LRMDA: variants seen among roughly 807,000 people sequenced by gnomAD.
LRMDA encodes the protein leucine-rich melanocyte differentiation-associated protein.
Under a neutral mutation model 29.8 loss-of-function variants are expected in LRMDA, and 18 were observed. The ratio of observed to expected loss-of-function variants is 0.60; its 90% CI spans 0.42 to 0.90. The LOEUF is 0.90. LRMDA is among the 40% of genes least tolerant of loss of function. The pLI, the probability that LRMDA is intolerant of heterozygous loss-of-function variation, is 0.00. For missense variants in LRMDA, 273 were observed against 273.9 expected (o/e 1.00, Z 0.02); for synonymous variants, 125 against 109.4 (o/e 1.14, Z -0.89).
At chr10:76,525,609 C>T (rs576146937) in intron 6 of LRMDA, among the ~76,000 whole-genome samples, 2 of 58,692 alleles carry the variant, frequency 3.4e-5, no homozygotes, top group East Asian at 2.5e-4. Context: ...AAGTGAATGG[C>T]GGACTACATT....
chr10:76,222,566 G>A (rs1421430261), intron 5 of LRMDA, among the ~76,000 whole-genome samples: 3 of 152,196 alleles, frequency 2.0e-5, no homozygotes, highest in South Asian at 2.1e-4. Flanking sequence ...CAAAGCCACA[G>A]TGAGATATCA....
At chr10:75,681,807 T>C (rs1842026211) in intron 2 of LRMDA, among the ~76,000 whole-genome samples, 3 of 152,212 alleles carry the variant, frequency 2.0e-5, no homozygotes, top group Admixed American at 6.5e-5. Flanking sequence ...TCTGGCCCTG[T>C]AACTCTTAGG....
intron 2 of LRMDA, among the ~76,000 whole-genome samples, chr10:75,725,363 AG>A (rs1164307266): frequency 6.6e-6 from 1 of 152,226 alleles, no homozygotes; most frequent in Non-Finnish European, 1.5e-5. Flanking sequence ...AAGTGGCCTG[AG>A]GGGCCGAGCC....
intron 6 of LRMDA, among the ~76,000 whole-genome samples, chr10:76,486,130 A>C (rs1280855101): frequency 6.6e-6 from 1 of 151,940 alleles, no homozygotes; most frequent in East Asian, 1.9e-4. Context: ...TTGAAACCAG[A>C]AGTGACATTT....
chr10:75,528,582 G>C (rs1298786890), intron 2 of LRMDA, among the ~76,000 whole-genome samples: 2 of 152,148 alleles, frequency 1.3e-5, no homozygotes, highest in Non-Finnish European at 2.9e-5. Flanking sequence ...TGAACTTCAC[G>C]ACTAGTTGGT....
chr10:76,291,235 G>T (rs967934114), intron 5 of LRMDA, among the ~76,000 whole-genome samples: 4 of 152,144 alleles, frequency 2.6e-5, no homozygotes, highest in Non-Finnish European at 5.9e-5. Flanking sequence ...GTCTTTCACT[G>T]TTGGGTCTCA....
intron 2 of LRMDA, among the ~76,000 whole-genome samples, chr10:75,650,505 G>A (rs1441907031): frequency 6.6e-6 from 1 of 150,842 alleles, no homozygotes; most frequent in Non-Finnish European, 1.5e-5. Flanking sequence ...TTCATGATAA[G>A]GTTGAGAGAT....
At chr10:75,762,201 T>C (rs973409092) in intron 2 of LRMDA, among the ~76,000 whole-genome samples, 3 of 152,188 alleles carry the variant, frequency 2.0e-5, no homozygotes, top group Non-Finnish European at 2.9e-5. Flanking sequence ...TTAGGCATTG[T>C]TATTTTTTGA....
chr10:75,984,247 G>A (rs951288241), intron 2 of LRMDA, among the ~76,000 whole-genome samples: 1 of 151,044 alleles, frequency 6.6e-6, no homozygotes, highest in African/African-American at 2.5e-5. Context: ...GCAAGGCCAG[G>A]CTGCCTGGAA....
intron 6 of LRMDA, among the ~76,000 whole-genome samples, chr10:76,366,332 A>T (rs534906177): frequency 6.6e-6 from 1 of 152,176 alleles, no homozygotes; most frequent in Non-Finnish European, 1.5e-5. Flanking sequence ...TTCTTTTGGC[A>T]GTATGGTCAT....
chr10:76,001,487 A>C (rs1022736542), intron 2 of LRMDA, among the ~76,000 whole-genome samples: 1 of 152,178 alleles, frequency 6.6e-6, no homozygotes, highest in African/African-American at 2.4e-5. Context: ...TATAGTTTTG[A>C]AGTTTAAGAG....
Position 76,196,714 on chromosome 10 carries a change from A to G in LRMDA, c.517-127687A>G, listed in dbSNP as rs370518460. Among the ~76,000 whole-genome samples the G allele has an allele frequency of 7.9e-5, 12 of 152,354 alleles. No homozygotes were observed. In the East Asian group the frequency reaches 1.5e-3, roughly 20 times the overall value. ...AAAAGGTCAAGACCAATTCTGTTTCACCTTAGAACATGCAATTCTGTAGTG... is the reference window on the plus strand; with the variant it reads ...AAAAGGTCAAGACCAATTCTGTTTCGCCTTAGAACATGCAATTCTGTAGTG... On this transcript the variant is annotated intron_variant, in intron 5 of 6. Coordinates refer to ENST00000611255, the MANE Select transcript of LRMDA (RefSeq NM_001305581.2).
chr10:76,557,422 G>T lies in LRMDA; in HGVS notation c.*134G>T. 1.4e-6 allele frequency: 1 copy of T among 716,152 alleles called. No individual in the cohort carries two copies. Among genetic ancestry groups the T allele is most frequent in the Non-Finnish European group, 2.4e-6 (1 of 424,326 alleles). 44.4% of individuals were successfully genotyped at this position (716,152 alleles called of 1,614,324 possible). On this transcript the variant is annotated 3_prime_UTR_variant, in exon 7 of 7. Transcript: ENST00000611255. ...GGGAAAAGCTATGACTTCAGCTTTT[G>T]GTACCTTCCGCTGACTTTGCCAGGC...
intron 2 of LRMDA, among the ~76,000 whole-genome samples, chr10:75,664,579 G>A (rs1371970203): frequency 6.6e-6 from 1 of 152,168 alleles, no homozygotes; most frequent in African/African-American, 2.4e-5. Flanking sequence ...CCTGCTAAGG[G>A]CACTAACCCA....
At chr10:75,502,562 T>A (rs941215602) in intron 2 of LRMDA, among the ~76,000 whole-genome samples, 3 of 152,096 alleles carry the variant, frequency 2.0e-5, no homozygotes, top group South Asian at 2.1e-4. Context: ...GTACAATAAA[T>A]GTCTTCGGGA....
chr10:76,043,718 C>T (rs745603498), intron 3 of LRMDA, among the ~76,000 whole-genome samples: 7 of 152,076 alleles, frequency 4.6e-5, no homozygotes, highest in Non-Finnish European at 1.0e-4. Context: ...CCTACTTCCC[C>T]GAACATGGTG....
chr10:75,937,193 A>G (rs1209937509), intron 2 of LRMDA, among the ~76,000 whole-genome samples: 1 of 152,216 alleles, frequency 6.6e-6, no homozygotes, highest in Non-Finnish European at 1.5e-5. Context: ...CATTTTTGCT[A>G]AATTTGTTGA....
intron 6 of LRMDA, among the ~76,000 whole-genome samples, chr10:76,479,569 C>T (rs1842715720): frequency 6.6e-6 from 1 of 151,846 alleles, no homozygotes; most frequent in African/African-American, 2.4e-5. Flanking sequence ...CAGCCCTGTG[C>T]AGTGAATAAT....
chr10:76,031,360 T>C lies in LRMDA; in HGVS notation c.132-4648T>C, dbSNP rs529461941. Among the ~76,000 whole-genome samples the C allele has an allele frequency of 2.7e-3, 405 of 152,342 alleles. 3 individuals carry two copies. The highest frequency in any genetic ancestry group is 9.5e-3 in the African/African-American group (394 of 41,574). ...CCAGGGAAACCATGAGGAGGCATTC[T>C]GGCCTCTGAAAGAATACGAGTCTAG... is the stretch of plus-strand genomic sequence containing the variant. On this transcript the variant is annotated intron_variant, in intron 2 of 6. Coordinates refer to ENST00000611255, the MANE Select transcript of LRMDA (RefSeq NM_001305581.2).
Sources: allele counts gnomAD v4.1 joint callset (sites outside exome capture counted in the v4.1 genomes callset), GRCh38; gene constraint gnomAD v4.1.1; transcripts MANE v1.5; gene names NCBI Gene and HGNC (gene_info 2026-07-23, HGNC 2026-07-21).